ODF2L: variants seen among roughly 807,000 people sequenced by gnomAD.
ODF2L encodes the protein protein BCAP.
ODF2L carries 76 observed loss-of-function variants against 86.3 expected under a neutral mutation model. That is an observed-to-expected ratio of 0.88 (90% CI 0.73 to 1.07). The LOEUF is 1.07. ODF2L is among the 50% of genes least tolerant of loss of function. The pLI is 0.00. For missense variants in ODF2L, 748 were observed against 717.4 expected, an observed-to-expected ratio of 1.04 and a Z score of -0.49; for synonymous variants, 241 against 231.3, an observed-to-expected ratio of 1.04 and a Z score of -0.38.
chr1:86,350,251 C>G (rs1658032388), exon 18 of ODF2L: 1 of 152,346 alleles, frequency 6.6e-6, no homozygotes, highest in Non-Finnish European at 1.5e-5. Context: ...TATCCCTCCC[C>G]TAGCCCCCCA....
chr1:86,382,044 G>A (rs1358687185), intron 7 of ODF2L, 198 bp downstream of exon 7: 1 of 595,414 alleles, frequency 1.7e-6, no homozygotes, highest in Non-Finnish European at 2.4e-6. Flanking sequence ...ATTAAACAGA[G>A]ACAGCATTTT....
intron 4 of ODF2L, 138 bp downstream of exon 4, chr1:86,384,538 G>T: frequency 2.3e-6 from 1 of 429,176 alleles, no homozygotes; most frequent in Non-Finnish European, 3.9e-6. Flanking sequence ...AACACTAAAG[G>T]TGGGGATTAA....
chr1:86,375,116 G>A (rs1660076722), intron 8 of ODF2L: 1 of 152,020 alleles, frequency 6.6e-6, no homozygotes, highest in Non-Finnish European at 1.5e-5. Flanking sequence ...CAAAAGAAAT[G>A]GTCAAGAAAG....
chr1:86,362,651 T>C (rs1659124500), intron 11 of ODF2L, among the ~76,000 whole-genome samples: 1 of 151,838 alleles, frequency 6.6e-6, no homozygotes, highest in Non-Finnish European at 1.5e-5. Context: ...CTATGAGGGC[T>C]CTTTGGAATT....
chr1:86,370,841 A>T lies in ODF2L; in HGVS notation c.1056+177T>A, dbSNP rs146399016. On this transcript the variant is annotated intron_variant, in intron 10 of 17. Coordinates refer to ENST00000317336, the Ensembl canonical transcript of ODF2L. ...TTATTTTAAAAGTTGAGGCAAAGAG[A>T]CAGTCAACTTCATAAATATTATTTA... 1.3e-3 allele frequency among the ~76,000 whole-genome samples: 195 copies of T among 152,348 alleles called. 1 individual carries two copies. Among genetic ancestry groups the T allele is most frequent in the African/African-American group, 4.3e-3 (178 of 41,588 alleles).
At position 86,382,816 on chromosome 1, in the gene ODF2L, G is replaced by A. The variant is rs992877273; in HGVS notation, c.507+115C>T. The A allele has an allele frequency of 4.6e-6, 3 of 652,592 alleles. No individual in the cohort carries two copies. In the African/African-American group the frequency reaches 5.7e-5, roughly 12 times the overall value. The allele number at this position is 652,592 out of a possible 1,614,324, so 40.4% of individuals were successfully genotyped here. A position where few individuals can be genotyped will look rare whatever the true frequency, so the allele number is the denominator to read the frequency against. ...ACCTGTAAAATATCCAAATAATCTAGAATTTCAAAACACTTTTCTGTGTTT... is the reference window on the plus strand; with the variant it reads ...ACCTGTAAAATATCCAAATAATCTAAAATTTCAAAACACTTTTCTGTGTTT... On this transcript the variant is annotated intron_variant, in intron 6 of 17. Coordinates refer to ENST00000317336, the Ensembl canonical transcript of ODF2L.
chr1:86,377,294 C>G (rs569643559), intron 7 of ODF2L, among the ~76,000 whole-genome samples: 3 of 152,294 alleles, frequency 2.0e-5, no homozygotes, highest in Non-Finnish European at 4.4e-5. Context: ...GCAGCTCCAG[C>G]CTTATGGCCT....
chr1:86,359,692 T>G (rs1296334135), intron 12 of ODF2L, among the ~76,000 whole-genome samples: 1 of 151,860 alleles, frequency 6.6e-6, no homozygotes, highest in Non-Finnish European at 1.5e-5. Context: ...CCTGGCTAAT[T>G]TTTGTATTTT....
At position 86,372,513 on chromosome 1, in the gene ODF2L, C is replaced by T. The variant is rs1659867766; in HGVS notation, c.838G>A (p.Ala280Thr). ...TAATGACTTTTCCAGGCATTGGAAG[C>T]TGAAATTGTTTCAGACAACTTGGCT... Residue 280 changes from alanine to threonine, a missense_variant, in exon 9 of 18, where the codon GCT (alanine) becomes ACT (threonine). Ala to Thr is a moderately conservative substitution (Grantham distance 58). Coordinates refer to ENST00000317336, the Ensembl canonical transcript of ODF2L. The T allele has an allele frequency of 2.0e-6, 3 of 1,521,826 alleles. No individual in the cohort carries two copies. Among genetic ancestry groups the T allele is most frequent in the African/African-American group, 2.8e-5 (2 of 70,180 alleles). 94.3% of individuals were successfully genotyped at this position (1,521,826 alleles called of 1,614,324 possible). A position where few individuals can be genotyped will look rare whatever the true frequency, so the allele number is the denominator to read the frequency against.
intron 1 of ODF2L, among the ~76,000 whole-genome samples, chr1:86,389,961 A>G (rs922976325): frequency 1.3e-5 from 2 of 152,236 alleles, no homozygotes; most frequent in Non-Finnish European, 1.5e-5. Flanking sequence ...CAGACATTCA[A>G]AGAACAATTG....
At position 86,382,298 on chromosome 1, in the gene ODF2L, G is replaced by A. The variant is rs767932964; in HGVS notation, c.568C>T (p.Gln190Ter). The A allele has an allele frequency of 5.6e-6, 9 of 1,612,012 alleles. No individual in the cohort carries two copies. The highest frequency in any genetic ancestry group is 8.5e-7 in the Non-Finnish European group (1 of 1,178,954). The change falls in exon 7 of 18, where the codon CAG (glutamine) becomes TAG (stop). Residue 190 changes from glutamine (Q) to a stop codon, truncating the protein, a stop_gained. Transcript: ENST00000317336. LOFTEE classifies it high-confidence loss of function. ...GCTTCCCTTTTATGAATTTGGATCT[G>A]TAGTCGTTCATGTACTACTTTTACT...
At chr1:86,358,884 T>G (rs774822267) in exon 13 of ODF2L, 1 of 1,491,124 alleles carries the variant, frequency 6.7e-7, no homozygotes, top group South Asian at 1.3e-5. Context: ...TTCTTGCAAC[T>G]TTTGTACCTG....
chr1:86,352,270 T>A, intron 17 of ODF2L: 1 of 1,414,080 alleles, frequency 7.1e-7, no homozygotes, highest in Non-Finnish European at 9.3e-7. Context: ...TATTACGTAA[T>A]TTAATCATGA....
Position 86,354,562 on chromosome 1 carries a change from G to A in ODF2L, c.1735C>T (p.Leu579=). ...CTTCCTTCTTCTAAAGCAGCTTCCA[G>A]TTGTCTGGCCAATGCTGTATACTCT... The change falls in exon 16 of 18, where the codon CTG becomes TTG. Residue 579 remains leucine (L), a synonymous_variant. Coordinates refer to ENST00000317336, the Ensembl canonical transcript of ODF2L. The A allele has an allele frequency of 2.5e-6, 4 of 1,606,104 alleles. No homozygotes were observed. In the South Asian group the frequency reaches 4.5e-5, roughly 18 times the overall value.
chr1:86,392,551 T>C lies in ODF2L; in HGVS notation c.-60+3482A>G, dbSNP rs1039755930. ...TTGGAGACTATTACTCTAAGTGAAG[T>C]AACTCAGCAATAAAAAACCAAACAT... On this transcript the variant is annotated intron_variant, in intron 1 of 17. Coordinates refer to ENST00000317336, the Ensembl canonical transcript of ODF2L. Among the ~76,000 whole-genome samples, 11 of 152,180 alleles carry C rather than the reference T, an allele frequency of 7.2e-5. 1 individual carries two copies. The highest frequency in any genetic ancestry group is 2.6e-4 in the Admixed American group (4 of 15,274).
At chr1:86,348,585 A>T (rs1270617421), downstream of ODF2L, 2 of 516,408 alleles carry the variant, frequency 3.9e-6, no homozygotes. Context: ...CCTATTTTAA[A>T]GTTTCAGTTA....
chr1:86,391,866 A>C (rs1245605908), intron 1 of ODF2L, among the ~76,000 whole-genome samples: 1 of 152,240 alleles, frequency 6.6e-6, no homozygotes, highest in African/African-American at 2.4e-5. Flanking sequence ...AATTAAACTA[A>C]AGAGCTTTTG....
At chr1:86,375,977 T>A (rs961945852) in intron 8 of ODF2L, among the ~76,000 whole-genome samples, 2 of 152,166 alleles carry the variant, frequency 1.3e-5, no homozygotes, top group African/African-American at 4.8e-5. Context: ...TTTTTTTGTG[T>A]GTGGAGGCGG....
At chr1:86,353,906 G>A (rs534604384) in intron 16 of ODF2L, among the ~76,000 whole-genome samples, 2 of 152,292 alleles carry the variant, frequency 1.3e-5, no homozygotes, top group South Asian at 4.1e-4. Context: ...ACTGTAGCAG[G>A]AGAGAAAGGA....
Sources: gnomAD v4.1 joint callset for allele counts (sites outside exome capture counted in the v4.1 genomes callset) on GRCh38, gnomAD v4.1.1 for gene constraint, MANE v1.5 for transcripts, NCBI Gene and HGNC (gene_info 2026-07-23, HGNC 2026-07-21) for gene names.